SCFD2: variants seen among roughly 807,000 people sequenced by gnomAD.
The protein encoded by SCFD2 is sec1 family domain-containing protein 2.
SCFD2 carries 54 observed loss-of-function variants against 58.9 expected under a neutral mutation model. That is an observed-to-expected ratio of 0.92 (90% confidence interval 0.74 to 1.15). SCFD2 has a LOEUF of 1.15. Among genes scored for constraint, SCFD2 ranks in the 50% most tolerant of loss-of-function variants. The pLI, the probability that SCFD2 is intolerant of heterozygous loss-of-function variation, is 0.00. For missense variants in SCFD2, 805 were observed against 836.6 expected (o/e 0.96, Z 0.47); for synonymous variants, 321 against 335.9 (o/e 0.96, Z 0.49).
intron 5 of SCFD2, among the ~76,000 whole-genome samples, chr4:52,974,854 G>C (rs1322226349): frequency 6.6e-6 from 1 of 152,064 alleles, no homozygotes; most frequent in African/African-American, 2.4e-5. Context: ...AGAGCCCTCA[G>C]AAATAATGCC....
chr4:53,352,569 G>A (rs75757991), intron 2 of SCFD2, 29 bp downstream of exon 2: 118,709 of 1,560,368 alleles, frequency 0.076, 5,320 homozygotes, highest in Non-Finnish European at 0.085. Context: ...GACAGAGAAA[G>A]ATAAGATGAC....
At chr4:53,238,537 G>A (rs1453898621) in intron 4 of SCFD2, among the ~76,000 whole-genome samples, 11 of 151,858 alleles carry the variant, frequency 7.2e-5, no homozygotes, top group African/African-American at 1.2e-4. Context: ...GGTGGCTGCC[G>A]GGCGGAGACG....
At chr4:52,932,583 T>C (rs910844268) in intron 5 of SCFD2, among the ~76,000 whole-genome samples, 1 of 152,222 alleles carries the variant, frequency 6.6e-6, no homozygotes, top group African/African-American at 2.4e-5. Flanking sequence ...GTTAATAATA[T>C]GGGATTATTT....
At chr4:53,298,327 C>T (rs958778472) in intron 3 of SCFD2, among the ~76,000 whole-genome samples, 5 of 152,172 alleles carry the variant, frequency 3.3e-5, no homozygotes, top group Admixed American at 2.0e-4. Flanking sequence ...GGGTCCTATA[C>T]CCATGGAGCC....
chr4:53,274,173 G>T (rs879436507), intron 3 of SCFD2, among the ~76,000 whole-genome samples, 172 bp from the exon 4 acceptor site: 1 of 152,150 alleles, frequency 6.6e-6, no homozygotes, highest in Admixed American at 6.5e-5. Context: ...GAGCAAAACT[G>T]GTCCTATTAT....
chr4:53,230,193 C>T (rs979895140), intron 4 of SCFD2, among the ~76,000 whole-genome samples: 1 of 152,114 alleles, frequency 6.6e-6, no homozygotes, highest in African/African-American at 2.4e-5. Flanking sequence ...ACTAGTTCAA[C>T]CATTGTGGAA....
chr4:53,138,876 C>T (rs2148906163), intron 5 of SCFD2, among the ~76,000 whole-genome samples: 1 of 149,844 alleles, frequency 6.7e-6, no homozygotes, highest in Admixed American at 6.6e-5. Context: ...CTCCCCCTCC[C>T]TCTCGTCTCC....
chr4:53,065,479 A>C (rs1424625648), intron 5 of SCFD2, among the ~76,000 whole-genome samples: 1 of 152,104 alleles, frequency 6.6e-6, no homozygotes, highest in Non-Finnish European at 1.5e-5. Flanking sequence ...AGAAACTAGC[A>C]TAGCAAACCG....
At chr4:52,959,878 G>A (rs1425969114) in intron 5 of SCFD2, among the ~76,000 whole-genome samples, 1 of 127,042 alleles carries the variant, frequency 7.9e-6, no homozygotes, top group African/African-American at 3.1e-5. Flanking sequence ...CAGGGAGGAA[G>A]AGAGAGACTC....
intron 4 of SCFD2, among the ~76,000 whole-genome samples, chr4:53,238,296 C>G (rs1465755082): frequency 1.6e-3 from 1 of 608 alleles, no homozygotes; most frequent in Non-Finnish European, 6.0e-3. Flanking sequence ...GGCAGCTGGC[C>G]GGGTGGGGGC....
intron 4 of SCFD2, among the ~76,000 whole-genome samples, chr4:53,264,513 G>T (rs1390085530): frequency 3.3e-5 from 5 of 152,174 alleles, no homozygotes; most frequent in African/African-American, 9.7e-5. Context: ...AAGGCCCACA[G>T]AGAAGCAGTG....
At chr4:53,000,399 C>T (rs1721837007) in intron 5 of SCFD2, among the ~76,000 whole-genome samples, 1 of 152,190 alleles carries the variant, frequency 6.6e-6, no homozygotes, top group South Asian at 2.1e-4. Context: ...CACATTCCAA[C>T]TCAGCAACAA....
chr4:52,906,616 T>A (rs1253092145), intron 7 of SCFD2, among the ~76,000 whole-genome samples: 1 of 152,222 alleles, frequency 6.6e-6, no homozygotes, highest in African/African-American at 2.4e-5. Flanking sequence ...CCAGCAGGCT[T>A]ACTGCTTGGT....
intron 5 of SCFD2, among the ~76,000 whole-genome samples, chr4:53,057,501 T>G (rs988649438): frequency 6.6e-6 from 1 of 151,870 alleles, no homozygotes; most frequent in Admixed American, 6.6e-5. Flanking sequence ...ACTTGAACAC[T>G]GAGAACACAT....
At chr4:52,913,849 G>A (rs1255583815) in intron 6 of SCFD2, among the ~76,000 whole-genome samples, 1 of 152,146 alleles carries the variant, frequency 6.6e-6, no homozygotes, top group Admixed American at 6.5e-5. Flanking sequence ...AAAGTGATAT[G>A]TATCACTTCC....
At chr4:52,996,598 T>C (rs898206794) in intron 5 of SCFD2, among the ~76,000 whole-genome samples, 1 of 152,236 alleles carries the variant, frequency 6.6e-6, no homozygotes, top group Non-Finnish European at 1.5e-5. Context: ...TAAGCAGCTA[T>C]AGGAGTATAT....
chr4:53,216,550 A>T (rs1444106747), intron 4 of SCFD2, among the ~76,000 whole-genome samples: 2 of 151,746 alleles, frequency 1.3e-5, no homozygotes. Flanking sequence ...TTTCTTTATT[A>T]GTCTTGCTAG....
chr4:53,171,971 ATTTATT>A (rs1727191960), intron 4 of SCFD2, among the ~76,000 whole-genome samples: 4 of 148,730 alleles, frequency 2.7e-5, no homozygotes, highest in East Asian at 2.0e-4. Flanking sequence ...TTATTTATTT[ATTTATT>A]TTTATTTTTA....
chr4:53,112,046 A>T (rs141148138), intron 5 of SCFD2, among the ~76,000 whole-genome samples: 2,203 of 152,262 alleles, frequency 0.014, 19 homozygotes, highest in Middle Eastern at 0.034. Flanking sequence ...AGACAAACAG[A>T]GAGAAGTTTC....
Sources: gnomAD v4.1 joint callset for allele counts (sites outside exome capture counted in the v4.1 genomes callset) on GRCh38, gnomAD v4.1.1 for gene constraint, MANE v1.5 for transcripts, NCBI Gene and HGNC (gene_info 2026-07-23, HGNC 2026-07-21) for gene names.